Variants in GBE1 observed in about 807,000 individuals in gnomAD.
GBE1 encodes 1,4-alpha-glucan branching enzyme 1.
GBE1 carries 70 observed loss-of-function variants against 88.8 expected under a neutral mutation model. The ratio of observed to expected loss-of-function variants is 0.79; its 90% CI spans 0.65 to 0.96. The LOEUF is 0.96. Among genes scored for constraint, GBE1 ranks in the 40% least tolerant of loss-of-function variants. The probability of loss-of-function intolerance (pLI) is 0.00; values close to 1 mark genes in which losing one functional copy is unlikely to be tolerated. For missense variants in GBE1, 872 were observed against 871.0 expected (o/e 1.00, Z -0.01); for synonymous variants, 284 against 300.1 (o/e 0.95, Z 0.56).
chr3:81,621,657 C>G (rs756280195), intron 7 of GBE1, among the ~76,000 whole-genome samples: 5 of 152,170 alleles, frequency 3.3e-5, no homozygotes, highest in Non-Finnish European at 7.3e-5. Flanking sequence ...AGAATTCTCA[C>G]GGTCTATTAC....
rs553766761 is a variant in GBE1, at chr3:81,598,889, A to G, written c.993-4866T>C. Among the ~76,000 whole-genome samples, 98 of 152,018 alleles carry G rather than the reference A, an allele frequency of 6.4e-4. 3 individuals carry two copies. In the South Asian group the frequency reaches 0.02, roughly 31 times the overall value. On this transcript the variant is annotated intron_variant, in intron 7 of 15. Transcript: ENST00000429644. ...GAAGTTTTCTTTTCAATATCACATA[A>G]TTTTCTGGATTTTATTCTGTGCAAC... is the stretch of plus-strand genomic sequence containing the variant.
At chr3:81,540,464 C>G (rs1016667983) in intron 12 of GBE1, among the ~76,000 whole-genome samples, 2 of 151,944 alleles carry the variant, frequency 1.3e-5, no homozygotes, top group Non-Finnish European at 2.9e-5. Flanking sequence ...TGAATATAGG[C>G]AATTTAATCT....
In GBE1 at chr3:81,490,231, C is replaced by T. The variant is rs846; in HGVS notation, c.*176G>A. 0.41 allele frequency: 243,408 copies of T among 587,666 alleles called. 54,696 individuals are homozygous for T. The highest frequency in any genetic ancestry group is 0.57 in the South Asian group (25,205 of 44,410). 36.4% of individuals were successfully genotyped at this position (587,666 alleles called of 1,614,324 possible). On this transcript the variant is annotated 3_prime_UTR_variant, in exon 16 of 16. Transcript: ENST00000429644. The stretch of plus-strand genomic sequence containing the variant: ...TCCTAATATTTTAAACATATTCTCC[C>T]ATCTACTTAAATAAAAGTTTGCTGT...
chr3:81,541,701 G>C (rs570315242), intron 12 of GBE1, among the ~76,000 whole-genome samples: 1 of 152,124 alleles, frequency 6.6e-6, no homozygotes, highest in South Asian at 2.1e-4. Context: ...CCAGTGCCTC[G>C]ATCTAGGACT....
chr3:81,700,799 A>C (rs1705676517), intron 2 of GBE1, among the ~76,000 whole-genome samples: 1 of 152,174 alleles, frequency 6.6e-6, no homozygotes, highest in Non-Finnish European at 1.5e-5. Flanking sequence ...TATAGGCATA[A>C]AAATCAAGGT....
chr3:81,541,458 C>CCT (rs1559639120), intron 12 of GBE1, among the ~76,000 whole-genome samples: 1 of 149,592 alleles, frequency 6.7e-6, no homozygotes, highest in Non-Finnish European at 1.5e-5. Context: ...TTGCCCCCCC[C>CCT]GCCACCTCGC....
At chr3:81,652,185 G>A (rs965519593) in intron 3 of GBE1, among the ~76,000 whole-genome samples, 1 of 152,230 alleles carries the variant, frequency 6.6e-6, no homozygotes, top group African/African-American at 2.4e-5. Context: ...TGAACCCAAC[G>A]TGTGAGCAGC....
chr3:81,637,584 A>C (rs986412342), intron 7 of GBE1, among the ~76,000 whole-genome samples: 2 of 152,138 alleles, frequency 1.3e-5, no homozygotes, highest in African/African-American at 4.8e-5. Flanking sequence ...TATCCTTTGT[A>C]TGCTATTTTT....
intron 3 of GBE1, among the ~76,000 whole-genome samples, chr3:81,657,595 A>C (rs1005458332): frequency 6.6e-6 from 1 of 152,146 alleles, no homozygotes; most frequent in East Asian, 1.9e-4. Context: ...AAAACTGTAC[A>C]TAGTTAATCG....
chr3:81,697,301 C>CTT (rs774202162), intron 2 of GBE1, among the ~76,000 whole-genome samples: 14 of 141,390 alleles, frequency 9.9e-5, no homozygotes, highest in South Asian at 4.5e-4. Context: ...CAGACAACAT[C>CTT]TTTTTTTTTT....
intron 1 of GBE1, among the ~76,000 whole-genome samples, chr3:81,754,957 A>G (rs1706581964): frequency 6.6e-6 from 1 of 152,150 alleles, no homozygotes; most frequent in Non-Finnish European, 1.5e-5. Context: ...ATAGGCTATC[A>G]AAGCAAAAAT....
At chr3:81,752,449 C>T (rs1250335813) in intron 1 of GBE1, among the ~76,000 whole-genome samples, 1 of 151,860 alleles carries the variant, frequency 6.6e-6, no homozygotes. Context: ...TGTTTGATGC[C>T]CAAGAATATG....
At chr3:81,661,731 A>T (rs920303881) in intron 3 of GBE1, among the ~76,000 whole-genome samples, 8 of 152,174 alleles carry the variant, frequency 5.3e-5, no homozygotes, top group Admixed American at 5.2e-4. Context: ...TAAAAGCTAG[A>T]CCTGAGAAGG....
Position 81,612,938 on chromosome 3 carries a change from A to AGAT in GBE1, c.993-18918_993-18916dup, listed in dbSNP as rs557295711. On this transcript the variant is annotated intron_variant, in intron 7 of 15. Coordinates refer to ENST00000429644, the MANE Select transcript of GBE1 (RefSeq NM_000158.4). ...ATGATGAAGAAGGAAAAGGAGAAAA[A>AGAT]GATGATGATGATGATGACGATGATG... 3.8e-5 allele frequency: 15 copies of AGAT among 391,678 alleles called. 1 individual carries two copies. Among genetic ancestry groups the AGAT allele is most frequent in the South Asian group, 1.6e-4 (7 of 43,468 alleles). 24.3% of individuals were successfully genotyped at this position (391,678 alleles called of 1,614,324 possible).
At chr3:81,652,531 T>C (rs1704864979) in intron 3 of GBE1, among the ~76,000 whole-genome samples, 1 of 152,208 alleles carries the variant, frequency 6.6e-6, no homozygotes, top group South Asian at 2.1e-4. Flanking sequence ...TCCTTCTCTC[T>C]TATTCATGGA....
chr3:81,581,929 C>A (rs1007435742), intron 10 of GBE1, among the ~76,000 whole-genome samples: 1 of 152,014 alleles, frequency 6.6e-6, no homozygotes, highest in Non-Finnish European at 1.5e-5. Context: ...TAAGTAGATA[C>A]TTGCTATACA....
chr3:81,591,194 T>C, intron 8 of GBE1, 30 bp from the exon 9 acceptor site: 1 of 1,547,998 alleles, frequency 6.5e-7, no homozygotes, highest in Middle Eastern at 1.7e-4. Context: ...TACGGATATA[T>C]TATGTTAACA....
intron 6 of GBE1, among the ~76,000 whole-genome samples, chr3:81,644,139 T>C (rs1283332400): frequency 6.6e-6 from 1 of 152,176 alleles, no homozygotes; most frequent in Non-Finnish European, 1.5e-5. Flanking sequence ...ACCATGACAT[T>C]TTCTATGTTC....
At chr3:81,632,364 A>G (rs1704526591) in intron 7 of GBE1, among the ~76,000 whole-genome samples, 1 of 152,194 alleles carries the variant, frequency 6.6e-6, no homozygotes, top group Non-Finnish European at 1.5e-5. Context: ...TTTACGAGAA[A>G]AAAACAAACA....
Sources: gnomAD v4.1 joint callset for allele counts (sites outside exome capture counted in the v4.1 genomes callset) on GRCh38, gnomAD v4.1.1 for gene constraint, MANE v1.5 for transcripts, NCBI Gene and HGNC (gene_info 2026-07-23, HGNC 2026-07-21) for gene names.